The following CAPN14 variants were observed in gnomAD, a reference collection of about 807,000 sequenced individuals.
CAPN14 encodes the protein calpain-14.
A neutral mutation model predicts 101.3 loss-of-function variants in CAPN14; 94 were observed. The observed-to-expected ratio is 0.93, with a 90% CI of 0.79 to 1.10. The LOEUF (loss-of-function observed/expected upper bound fraction) is 1.10, where lower values mean the gene tolerates loss of function less well. Among genes scored for constraint, CAPN14 ranks in the 50% least tolerant of loss-of-function variants. The pLI, the probability that CAPN14 is intolerant of heterozygous loss-of-function variation, is 0.00. For synonymous variants in CAPN14, 338 were observed against 317.9 expected (o/e 1.06, Z -0.67); for missense variants, 837 against 828.4 (o/e 1.01, Z -0.13).
chr2:31,188,313 C>T lies in CAPN14; in HGVS notation c.1530+5G>A, dbSNP rs997557500. ...AGCCATATGGAATTCCACCAGACTA[C>T]TCACCTTTGAGAAGACGACACCAGA... On this transcript the variant is annotated splice_donor_5th_base_variant and intron_variant, in intron 14 of 21. Transcript: ENST00000403897. 3 of 1,551,266 alleles carry T rather than the reference C, an allele frequency of 1.9e-6. No homozygotes were observed. The African/African-American group carries it at 4.1e-5, about 21-fold the overall frequency.
intron 21 of CAPN14, 46 bp from the exon 22 acceptor site, chr2:31,174,753 C>T: frequency 6.5e-7 from 1 of 1,545,790 alleles, no homozygotes; most frequent in Non-Finnish European, 8.8e-7. Context: ...AGACCCACGT[C>T]TCATCTGGGC....
chr2:31,221,296 T>C (rs1047264214), upstream of CAPN14, among the ~76,000 whole-genome samples: 7 of 152,226 alleles, frequency 4.6e-5, no homozygotes, highest in Admixed American at 1.3e-4. Context: ...AGGACTGCTC[T>C]GTCTGGGGAG....
At chr2:31,184,542 C>G (rs927062366) in intron 16 of CAPN14, among the ~76,000 whole-genome samples, 1 of 152,180 alleles carries the variant, frequency 6.6e-6, no homozygotes, top group African/African-American at 2.4e-5. Flanking sequence ...ATACAGTAGA[C>G]CTATCATTTC....
At position 31,194,493 on chromosome 2, in the gene CAPN14, G is replaced by A; in HGVS notation, c.876-10C>T. On this transcript the variant is annotated splice_polypyrimidine_tract_variant and intron_variant, in intron 8 of 21. Coordinates refer to ENST00000403897, the MANE Select transcript of CAPN14 (RefSeq NM_001145122.2). Reference sequence around the variant, plus strand: ...CTCCCATTTACTTGAACTGAAAATAGAAAAGGGAATGAAAAGCTTGTGGGG... The same window carrying A: ...CTCCCATTTACTTGAACTGAAAATAAAAAAGGGAATGAAAAGCTTGTGGGG... 1 of 1,545,982 alleles carries A rather than the reference G, an allele frequency of 6.5e-7. No homozygotes were observed. Among genetic ancestry groups the A allele is most frequent in the Non-Finnish European group, 8.8e-7 (1 of 1,141,930 alleles).
chr2:31,209,155 T>TTTC (rs1553397147), intron 1 of CAPN14, among the ~76,000 whole-genome samples: 1 of 150,212 alleles, frequency 6.7e-6, no homozygotes, highest in African/African-American at 2.5e-5. Context: ...TTTTTTTTTT[T>TTTC]CTGGAGAGAT....
rs1681516900 is a variant in CAPN14, at chr2:31,197,313, C to G, written c.811G>C (p.Glu271Gln). ...GGGTTCCGTAGCTTGACGAGATATTCAGGTCTATGTTTGCAGGTCACCTGC... is the reference window on the plus strand; with the variant it reads ...GGGTTCCGTAGCTTGACGAGATATTGAGGTCTATGTTTGCAGGTCACCTGC... The part of the protein sequence containing the change: ...IRKVTCKHRP[E>Q]YLVKLRNPWG... Residue 271 changes from glutamate (E) to glutamine (Q), a missense_variant, in exon 8 of 22, where the codon GAA becomes CAA. Physicochemically the swap from Glu to Gln is conservative, Grantham distance 29 (BLOSUM62 2). Coordinates refer to ENST00000403897, the MANE Select transcript of CAPN14 (RefSeq NM_001145122.2). The G allele has an allele frequency of 6.4e-7, 1 of 1,550,760 alleles. No individual in the cohort carries two copies. Among genetic ancestry groups the G allele is most frequent in the Non-Finnish European group, 8.7e-7 (1 of 1,145,966 alleles).
intron 1 of CAPN14, among the ~76,000 whole-genome samples, chr2:31,217,024 G>C (rs1320530871): frequency 6.6e-6 from 1 of 152,226 alleles, no homozygotes; most frequent in Non-Finnish European, 1.5e-5. Flanking sequence ...TAAGGCCTCA[G>C]TGATAAGCTG....
chr2:31,229,588 A>C (rs941791833), intron 1 of CAPN14, among the ~76,000 whole-genome samples: 1 of 150,368 alleles, frequency 6.7e-6, no homozygotes, highest in African/African-American at 2.4e-5. Context: ...AGGCAGGCTG[A>C]GAATCTCTTG....
intron 1 of CAPN14, among the ~76,000 whole-genome samples, chr2:31,233,024 C>T (rs565111498): frequency 2.0e-5 from 3 of 152,298 alleles, no homozygotes; most frequent in Admixed American, 1.3e-4. Context: ...TCTCTACACA[C>T]GATGCACTGC....
At chr2:31,202,318 C>A in intron 3 of CAPN14, 66 bp from the exon 4 acceptor site, 1 of 1,264,726 alleles carries the variant, frequency 7.9e-7, no homozygotes, top group Non-Finnish European at 1.1e-6. Flanking sequence ...AGAAAATGCC[C>A]GGTCCCAATG....
intron 21 of CAPN14, 24 bp downstream of exon 21, chr2:31,176,563 C>T (rs1334639447): frequency 5.2e-6 from 8 of 1,548,196 alleles, no homozygotes; most frequent in Non-Finnish European, 4.4e-6. Flanking sequence ...ATGACATGAG[C>T]CACCTCCTTG....
intron 14 of CAPN14, among the ~76,000 whole-genome samples, chr2:31,188,048 C>A (rs539562796): frequency 3.7e-4 from 57 of 152,304 alleles, no homozygotes; most frequent in African/African-American, 1.3e-3. Context: ...TAAAGAGAAG[C>A]AGAAGAATGT....
At chr2:31,177,905 G>T in intron 18 of CAPN14, 84 bp from the exon 19 acceptor site, 1 of 935,066 alleles carries the variant, frequency 1.1e-6, no homozygotes, top group Non-Finnish European at 1.7e-6. Flanking sequence ...TGTCAGCACC[G>T]CAGAGGGGCT....
intron 1 of CAPN14, among the ~76,000 whole-genome samples, chr2:31,209,354 T>A (rs1049457677): frequency 5.3e-5 from 8 of 152,124 alleles, no homozygotes; most frequent in Admixed American, 2.6e-4. Context: ...TATTCTCCCC[T>A]TATCTATAGA....
rs113479164 is a variant in CAPN14 at position 31,186,477 on chromosome 2, C to T, written c.1596G>A (p.Glu532=). The part of the protein sequence containing the change: ...FFTKFFEKHP[E]INAVQLQNLL... ...GGTTCTGAAGTTGAACTGCATTAAT[C>T]TCTGGATGCTAAATAGAAAGCAGAT... Residue 532 remains glutamate (E), a synonymous_variant, in exon 16 of 22, where the codon GAG becomes GAA. Coordinates refer to ENST00000403897, the MANE Select transcript of CAPN14 (RefSeq NM_001145122.2). 5,340 of 1,547,830 alleles carry T rather than the reference C, an allele frequency of 3.4e-3. 148 individuals carry two copies. In the African/African-American group the frequency reaches 0.064, roughly 18 times the overall value.
At position 31,186,480 on chromosome 2, in the gene CAPN14, T is replaced by C. The variant is rs1680905118; in HGVS notation, c.1593A>G (p.Pro531=). The change falls in exon 16 of 22, where the codon CCA becomes CCG. Residue 531 remains proline (P), a synonymous_variant. Coordinates refer to ENST00000403897, the MANE Select transcript of CAPN14 (RefSeq NM_001145122.2). ...EFFTKFFEKH[P]EINAVQLQNL... ...TCTGAAGTTGAACTGCATTAATCTC[T>C]GGATGCTAAATAGAAAGCAGATTGG... 13 of 1,547,252 alleles carry C rather than the reference T, an allele frequency of 8.4e-6. No homozygotes were observed. Among genetic ancestry groups the C allele is most frequent in the Non-Finnish European group, 1.1e-5 (13 of 1,145,308 alleles).
rs1680160083 is a variant in CAPN14 at position 31,173,736 on chromosome 2, T to C, written c.*945A>G. 1 of 152,218 alleles carries C rather than the reference T, an allele frequency of 6.6e-6. No homozygotes were observed. The highest frequency in any genetic ancestry group is 1.5e-5 in the Non-Finnish European group (1 of 68,036). The allele number at this position is 152,218 out of a possible 1,614,324, so 9.4% of individuals were successfully genotyped here. The stretch of plus-strand genomic sequence containing the variant: ...TAAATGGCTCTGAGGTGCTAACTTA[T>C]GAATAAATTGCATAGACTTTGGAAA... On this transcript the variant is annotated 3_prime_UTR_variant, in exon 22 of 22. Transcript: ENST00000403897.
intron 16 of CAPN14, 127 bp from the exon 17 acceptor site, chr2:31,181,127 A>G (rs1430318499): frequency 1.4e-6 from 1 of 710,728 alleles, no homozygotes; most frequent in African/African-American, 1.8e-5. Flanking sequence ...GGCTGGGAAG[A>G]GTGAGAATGG....
chr2:31,217,698 C>T (rs1348942677), upstream of CAPN14, among the ~76,000 whole-genome samples: 1 of 152,124 alleles, frequency 6.6e-6, no homozygotes, highest in Non-Finnish European at 1.5e-5. Context: ...CTTTAGAACA[C>T]CATACAGAGA....
Sources: gnomAD v4.1 joint callset for allele counts (sites outside exome capture counted in the v4.1 genomes callset) on GRCh38, gnomAD v4.1.1 for gene constraint, MANE v1.5 for transcripts, NCBI Gene and HGNC (gene_info 2026-07-23, HGNC 2026-07-21) for gene names.